The following MAGI2 variants were observed in gnomAD, a reference collection of about 807,000 sequenced individuals.
The protein encoded by MAGI2 is membrane-associated guanylate kinase, WW and PDZ domain-containing protein 2.
In MAGI2, 35 loss-of-function variants were observed where a neutral mutation model predicts 133.3. That is an observed-to-expected ratio of 0.26 (90% CI 0.20 to 0.35). The LOEUF (loss-of-function observed/expected upper bound fraction) is 0.35, where lower values mean the gene tolerates loss of function less well. Ranked by LOEUF, MAGI2 falls within the 10% of genes least tolerant of loss-of-function variation. The pLI is 1.00. For synonymous variants in MAGI2, 729 were observed against 710.6 expected (o/e 1.03, Z -0.41); for missense variants, 1,636 against 1,863.4 (o/e 0.88, Z 2.25).
intron 1 of MAGI2, among the ~76,000 whole-genome samples, chr7:79,358,294 G>A (rs750938416): frequency 6.6e-6 from 1 of 152,014 alleles, no homozygotes; most frequent in Non-Finnish European, 1.5e-5. Flanking sequence ...ACAAATAAAT[G>A]GAATTTTTCT....
At chr7:78,423,036 AT>A (rs1463529469) in intron 6 of MAGI2, among the ~76,000 whole-genome samples, 1 of 152,214 alleles carries the variant, frequency 6.6e-6, no homozygotes, top group Admixed American at 6.5e-5. Context: ...TAAAAGAAAC[AT>A]TTTTGTTCTG....
chr7:79,104,329 T>C (rs1485391251), intron 1 of MAGI2, among the ~76,000 whole-genome samples: 1 of 152,162 alleles, frequency 6.6e-6, no homozygotes, highest in African/African-American at 2.4e-5. Context: ...AATTCTCTAG[T>C]GCTTCAAACA....
At chr7:79,402,609 C>A (rs1845545359) in intron 1 of MAGI2, among the ~76,000 whole-genome samples, 1 of 151,978 alleles carries the variant, frequency 6.6e-6, no homozygotes. Context: ...TTTTAATAAA[C>A]CTAGTATTTT....
At chr7:78,900,141 G>A (rs1347664538) in intron 2 of MAGI2, among the ~76,000 whole-genome samples, 1 of 152,134 alleles carries the variant, frequency 6.6e-6, no homozygotes, top group African/African-American at 2.4e-5. Flanking sequence ...TTTCCACCAA[G>A]TTCCATTGCT....
chr7:79,419,976 T>C (rs2129178698), intron 1 of MAGI2, among the ~76,000 whole-genome samples: 1 of 152,154 alleles, frequency 6.6e-6, no homozygotes, highest in South Asian at 2.1e-4. Flanking sequence ...CAGCAGCCCA[T>C]ATTGGCCCAC....
At chr7:78,248,519 C>T (rs544505548) in intron 10 of MAGI2, among the ~76,000 whole-genome samples, 2 of 152,162 alleles carry the variant, frequency 1.3e-5, no homozygotes, top group African/African-American at 4.8e-5. Context: ...ATGCTGCTTA[C>T]AAGAGACTCA....
At chr7:78,858,231 T>A (rs1446242141) in intron 2 of MAGI2, among the ~76,000 whole-genome samples, 1 of 151,996 alleles carries the variant, frequency 6.6e-6, no homozygotes, top group East Asian at 1.9e-4. Flanking sequence ...TTTTGAAGGG[T>A]TTTTTTGTGT....
At chr7:78,799,455 A>G (rs1319424813) in intron 2 of MAGI2, among the ~76,000 whole-genome samples, 2 of 152,114 alleles carry the variant, frequency 1.3e-5, no homozygotes, top group African/African-American at 4.8e-5. Context: ...TTTCTACACC[A>G]TTGTGTACAC....
intron 2 of MAGI2, among the ~76,000 whole-genome samples, chr7:78,815,378 T>C (rs567336023): frequency 6.6e-6 from 1 of 152,360 alleles, no homozygotes; most frequent in African/African-American, 2.4e-5. Flanking sequence ...GTAACTTTAC[T>C]GAGCAGAAAC....
intron 2 of MAGI2, among the ~76,000 whole-genome samples, chr7:78,929,641 G>T (rs540512435): frequency 6.6e-6 from 1 of 151,934 alleles, no homozygotes; most frequent in Admixed American, 6.6e-5. Context: ...CCATCATCAC[G>T]TAGGCTTCTT....
intron 1 of MAGI2, among the ~76,000 whole-genome samples, chr7:79,314,187 T>A (rs567377206): frequency 6.6e-6 from 1 of 152,316 alleles, no homozygotes; most frequent in African/African-American, 2.4e-5. Context: ...TTGGCCATGC[T>A]GGTCTGAAAC....
rs138646511 is a variant in MAGI2 at position 79,176,044 on chromosome 7, T to C, written c.302-168838A>G. ...ACACAGACCTGCTAATATAATAGTT[T>C]CCTGTTAAACATGTTAATGAATTAA... On this transcript the variant is annotated intron_variant, in intron 1 of 21. Transcript: ENST00000354212. 2.6e-3 allele frequency among the ~76,000 whole-genome samples: 401 copies of C among 152,156 alleles called. 7 individuals carry two copies. Among genetic ancestry groups the C allele is most frequent in the African/African-American group, 8.9e-3 (369 of 41,472 alleles).
At chr7:78,996,534 G>A (rs1806327056) in intron 2 of MAGI2, among the ~76,000 whole-genome samples, 1 of 152,016 alleles carries the variant, frequency 6.6e-6, no homozygotes, top group Non-Finnish European at 1.5e-5. Context: ...GGAGGGAGAG[G>A]ATCAGGAAAA....
intron 1 of MAGI2, among the ~76,000 whole-genome samples, chr7:79,214,672 A>C (rs1374024548): frequency 7.1e-6 from 1 of 140,236 alleles, no homozygotes; most frequent in Non-Finnish European, 1.5e-5. Flanking sequence ...TAATTATGAA[A>C]TATAAATATA....
chr7:78,277,709 T>G lies in MAGI2; in HGVS notation c.1409-21128A>C, dbSNP rs369609744. ...AACGTGGCAACAGTAGAACATCAGA[T>G]TGGAAAGTAGCCATTGATTTCGCCA... On this transcript the variant is annotated intron_variant, in intron 9 of 21. Transcript: ENST00000354212. 3.3e-4 allele frequency among the ~76,000 whole-genome samples: 50 copies of G among 152,210 alleles called. 1 individual carries two copies. The East Asian group carries it at 4.1e-3, about 12-fold the overall frequency.
chr7:78,943,387 A>G (rs1584462833), intron 2 of MAGI2, among the ~76,000 whole-genome samples: 2 of 152,188 alleles, frequency 1.3e-5, no homozygotes, highest in South Asian at 4.1e-4. Flanking sequence ...CAGATCATGA[A>G]GAATTTAAAG....
intron 9 of MAGI2, among the ~76,000 whole-genome samples, chr7:78,307,007 C>T (rs772063086): frequency 2.0e-5 from 3 of 152,144 alleles, no homozygotes; most frequent in Non-Finnish European, 2.9e-5. Context: ...ACAAAATATA[C>T]CCTGGAAAAT....
intron 1 of MAGI2, among the ~76,000 whole-genome samples, chr7:79,273,528 G>C (rs1415893152): frequency 6.6e-6 from 1 of 152,060 alleles, no homozygotes; most frequent in Admixed American, 6.6e-5. Flanking sequence ...TTGCAAAGTA[G>C]AGTGAAATTT....
At chr7:78,703,953 C>G (rs982851618) in intron 2 of MAGI2, among the ~76,000 whole-genome samples, 12 of 151,846 alleles carry the variant, frequency 7.9e-5, no homozygotes, top group African/African-American at 2.9e-4. Context: ...AATGTAAAAC[C>G]TGAAACTATC....
Sources: gnomAD v4.1 joint callset for allele counts (sites outside exome capture counted in the v4.1 genomes callset) on GRCh38, gnomAD v4.1.1 for gene constraint, MANE v1.5 for transcripts, NCBI Gene and HGNC (gene_info 2026-07-23, HGNC 2026-07-21) for gene names.